The following STK4 variants were observed in gnomAD, a reference collection of about 807,000 sequenced individuals.
The protein encoded by STK4 is serine/threonine kinase 4, also known as serine/threonine-protein kinase 4.
In STK4, 30 loss-of-function variants were observed where a neutral mutation model predicts 64.9. The ratio of observed to expected loss-of-function variants is 0.46; its 90% confidence interval spans 0.35 to 0.63. STK4 has a LOEUF of 0.63. Ranked by LOEUF, STK4 falls within the 20% of genes least tolerant of loss-of-function variation. The pLI is 0.01. For missense variants in STK4, 466 were observed against 598.5 expected (o/e 0.78, Z 2.31); for synonymous variants, 177 against 199.0 (o/e 0.89, Z 0.93).
chr20:45,001,073 T>C, intron 8 of STK4, 94 bp from the exon 9 acceptor site: 1 of 1,362,610 alleles, frequency 7.3e-7, no homozygotes, highest in South Asian at 1.5e-5. Flanking sequence ...GTGTTAAATC[T>C]CGAAATATTT....
intron 10 of STK4, among the ~76,000 whole-genome samples, chr20:45,030,727 G>A (rs2145397686): frequency 6.6e-6 from 1 of 152,230 alleles, no homozygotes; most frequent in South Asian, 2.1e-4. Flanking sequence ...AAATGCAATA[G>A]TCTCTAAAAT....
chr20:45,050,728 A>G (rs1361260025), intron 10 of STK4, among the ~76,000 whole-genome samples: 2 of 152,116 alleles, frequency 1.3e-5, no homozygotes, highest in Admixed American at 1.3e-4. Flanking sequence ...TGTATATGGT[A>G]TCTAACTTCA....
intron 9 of STK4, among the ~76,000 whole-genome samples, chr20:45,005,825 CTT>C (rs745338614): frequency 4.6e-5 from 7 of 151,938 alleles, no homozygotes; most frequent in Non-Finnish European, 8.8e-5. Flanking sequence ...GGGTAGCAAA[CTT>C]TTATAATTTG....
At chr20:45,057,079 C>T (rs1876626173) in intron 10 of STK4, among the ~76,000 whole-genome samples, 1 of 152,220 alleles carries the variant, frequency 6.6e-6, no homozygotes, top group Admixed American at 6.5e-5. Flanking sequence ...ACACAAGAGC[C>T]ATGTGGAGGC....
At chr20:45,034,133 TAGA>T (rs776394798) in intron 10 of STK4, among the ~76,000 whole-genome samples, 5 of 151,994 alleles carry the variant, frequency 3.3e-5, no homozygotes, top group Non-Finnish European at 7.4e-5. Flanking sequence ...CAATGGCACT[TAGA>T]AGAAGATTTA....
chr20:45,073,025 C>T (rs1980210927), intron 10 of STK4, among the ~76,000 whole-genome samples: 1 of 152,138 alleles, frequency 6.6e-6, no homozygotes, highest in Admixed American at 6.5e-5. Context: ...GAAACCGAGG[C>T]TCAAGAGGTG....
rs138576429 is a variant in STK4, at chr20:45,021,482, T to C, written c.1148-3491T>C. Among the ~76,000 whole-genome samples, 320 of 152,360 alleles carry C rather than the reference T, an allele frequency of 2.1e-3. 1 individual carries two copies. Among genetic ancestry groups the C allele is most frequent in the African/African-American group, 7.2e-3 (299 of 41,582 alleles). ...GAATCATTATGGTGGAGGCATTTAT[T>C]TTCTGGAATCACTAAATACAAGGAT... On this transcript the variant is annotated intron_variant, in intron 9 of 10. Coordinates refer to ENST00000372806, the MANE Select transcript of STK4 (RefSeq NM_006282.5).
chr20:44,976,221 A>G (rs2067335886), intron 2 of STK4, among the ~76,000 whole-genome samples: 1 of 152,254 alleles, frequency 6.6e-6, no homozygotes, highest in African/African-American at 2.4e-5. Flanking sequence ...GTGAATTGAA[A>G]GATAGAAATG....
chr20:45,068,153 T>C (rs1202935487), intron 10 of STK4, among the ~76,000 whole-genome samples: 2 of 152,110 alleles, frequency 1.3e-5, no homozygotes, highest in East Asian at 3.9e-4. Flanking sequence ...AATGAGAAAA[T>C]TGAGGCACAT....
At chr20:44,972,698 T>C (rs1001996582) in intron 2 of STK4, 1 of 152,194 alleles carries the variant, frequency 6.6e-6, no homozygotes, top group East Asian at 1.9e-4. Context: ...GTGACCATCA[T>C]TGACTTTCAT....
chr20:44,998,345 A>G (rs1173245306), intron 7 of STK4, among the ~76,000 whole-genome samples: 1 of 152,166 alleles, frequency 6.6e-6, no homozygotes, highest in East Asian at 1.9e-4. Flanking sequence ...GATCTGTGAA[A>G]TGGGGATACA....
At chr20:45,059,972 T>C (rs1036592615) in intron 10 of STK4, among the ~76,000 whole-genome samples, 1 of 152,218 alleles carries the variant, frequency 6.6e-6, no homozygotes, top group Non-Finnish European at 1.5e-5. Context: ...CAGTAAAAAG[T>C]CAGTATCATT....
At chr20:45,054,814 A>G (rs1161298132) in intron 10 of STK4, among the ~76,000 whole-genome samples, 1 of 152,194 alleles carries the variant, frequency 6.6e-6, no homozygotes, top group African/African-American at 2.4e-5. Flanking sequence ...TGAACAGTTA[A>G]TGCTTAAAAA....
At position 45,008,478 on chromosome 20, in the gene STK4, C is replaced by T. The variant is rs114768737; in HGVS notation, c.1147+7125C>T. On this transcript the variant is annotated intron_variant, in intron 9 of 10. Transcript: ENST00000372806. ...GGCACCTAGGTTGATTCCATATCTTCGCTATTGTGAATAGTGTGGTGGTCA... is the reference window on the plus strand; with the variant it reads ...GGCACCTAGGTTGATTCCATATCTTTGCTATTGTGAATAGTGTGGTGGTCA... 9.5e-3 allele frequency among the ~76,000 whole-genome samples: 1,449 copies of T among 152,272 alleles called. 30 individuals carry two copies. Among genetic ancestry groups the T allele is most frequent in the African/African-American group, 0.033 (1,366 of 41,546 alleles).
rs1015722224 is a variant in STK4, at chr20:45,078,817, C to T, written c.*3641C>T. On this transcript the variant is annotated 3_prime_UTR_variant, in exon 11 of 11. Coordinates refer to ENST00000372806, the MANE Select transcript of STK4 (RefSeq NM_006282.5). ...ACCTGCCAGATGCCAGAAATTTATACCATTTAAAACTCAGTAAGTCTTTTA... is the reference window on the plus strand; with the variant it reads ...ACCTGCCAGATGCCAGAAATTTATATCATTTAAAACTCAGTAAGTCTTTTA... 1 of 152,324 alleles carries T rather than the reference C, an allele frequency of 6.6e-6. No homozygotes were observed. The highest frequency in any genetic ancestry group is 1.9e-4 in the East Asian group (1 of 5,180). The allele number at this position is 152,324 out of a possible 1,614,324, so 9.4% of individuals were successfully genotyped here.
rs6073577 is a variant in STK4 at position 44,967,090 on chromosome 20, G to A, written c.35+487G>A. ...TGGAGGGGAAAAGCTTTGCGCCTAA[G>A]GCTGAAAGCATGCGAGGAAAGGTTG... is the stretch of plus-strand genomic sequence containing the variant. On this transcript the variant is annotated intron_variant, in intron 1 of 10. Transcript: ENST00000372806. The A allele has an allele frequency of 6.2e-6, 6 of 967,916 alleles. No individual in the cohort carries two copies. The South Asian group carries it at 2.4e-4, about 39-fold the overall frequency. The allele number at this position is 967,916 out of a possible 1,614,324, so 60.0% of individuals were successfully genotyped here. A position where few individuals can be genotyped will look rare whatever the true frequency, so the allele number is the denominator to read the frequency against.
At chr20:45,070,137 G>T (rs771060175) in intron 10 of STK4, among the ~76,000 whole-genome samples, 15 of 152,326 alleles carry the variant, frequency 9.8e-5, no homozygotes, top group Non-Finnish European at 1.8e-4. Flanking sequence ...AAGTGTAGCT[G>T]TAGGGTCCTG....
At chr20:45,009,019 T>C (rs1372366786) in intron 9 of STK4, among the ~76,000 whole-genome samples, 1 of 152,226 alleles carries the variant, frequency 6.6e-6, no homozygotes, top group Non-Finnish European at 1.5e-5. Context: ...TTTGCTGTTG[T>C]GCAGAAGCTC....
intron 10 of STK4, among the ~76,000 whole-genome samples, chr20:45,048,641 C>A (rs995656600): frequency 6.6e-6 from 1 of 151,994 alleles, no homozygotes; most frequent in African/African-American, 2.4e-5. Context: ...GCCACCATGC[C>A]CGGCTAATTT....
Sources: allele counts gnomAD v4.1 joint callset (sites outside exome capture counted in the v4.1 genomes callset), GRCh38; gene constraint gnomAD v4.1.1; transcripts MANE v1.5; gene names NCBI Gene and HGNC (gene_info 2026-07-23, HGNC 2026-07-21).